INTS7: variants seen among roughly 807,000 people sequenced by gnomAD.
INTS7 encodes chromosome 1 open reading frame 73.
Under a neutral mutation model 109.2 loss-of-function variants are expected in INTS7, and 46 were observed. The ratio of observed to expected loss-of-function variants is 0.42; its 90% confidence interval spans 0.33 to 0.54. The LOEUF is 0.54. Among genes scored for constraint, INTS7 ranks in the 20% least tolerant of loss-of-function variants. INTS7 has a pLI of 0.07. For synonymous variants in INTS7, 412 were observed against 402.9 expected, an observed-to-expected ratio of 1.02 and a Z score of -0.27; for missense variants, 929 against 1,132.4, an observed-to-expected ratio of 0.82 and a Z score of 2.58.
intron 17 of INTS7, among the ~76,000 whole-genome samples, chr1:211,951,295 T>G (rs377754804): frequency 3.3e-5 from 5 of 152,032 alleles, no homozygotes; most frequent in Admixed American, 6.6e-5. Flanking sequence ...TGAGTGTTTT[T>G]TTTGTTTGTT....
At chr1:211,980,739 C>T (rs1664626150) in intron 10 of INTS7, among the ~76,000 whole-genome samples, 1 of 152,122 alleles carries the variant, frequency 6.6e-6, no homozygotes, top group East Asian at 1.9e-4. Context: ...CTGTCCTGGC[C>T]TCATTTCACA....
intron 16 of INTS7, among the ~76,000 whole-genome samples, chr1:211,957,133 ATC>A (rs1663400506): frequency 5.3e-5 from 8 of 152,180 alleles, no homozygotes; most frequent in Non-Finnish European, 8.8e-5. Context: ...TGGGAGTAGT[ATC>A]TCATTGTGAT....
At chr1:212,013,425 T>A (rs1666252647) in intron 4 of INTS7, among the ~76,000 whole-genome samples, 1 of 152,126 alleles carries the variant, frequency 6.6e-6, no homozygotes, top group African/African-American at 2.4e-5. Flanking sequence ...TACAAAAGAG[T>A]CAAAAAGTTA....
At chr1:211,988,681 C>T (rs74752451) in intron 7 of INTS7, among the ~76,000 whole-genome samples, 4,400 of 152,232 alleles carry the variant, frequency 0.029, 83 homozygotes, top group Middle Eastern at 0.1. Flanking sequence ...ACCCTGTGTA[C>T]TATCGTCTCG....
chr1:212,026,106 G>A (rs183341332), intron 1 of INTS7, among the ~76,000 whole-genome samples: 173 of 152,156 alleles, frequency 1.1e-3, no homozygotes, highest in African/African-American at 4.0e-3. Flanking sequence ...CCAATATCAC[G>A]CCACTGCACT....
chr1:211,966,827 A>C (rs1306600823), intron 15 of INTS7, among the ~76,000 whole-genome samples: 1 of 152,156 alleles, frequency 6.6e-6, no homozygotes, highest in Non-Finnish European at 1.5e-5. Flanking sequence ...AGTTTGAGAC[A>C]AACAAGCAAA....
At chr1:211,999,576 G>C (rs1665571481) in intron 7 of INTS7, among the ~76,000 whole-genome samples, 1 of 152,212 alleles carries the variant, frequency 6.6e-6, no homozygotes, top group Non-Finnish European at 1.5e-5. Context: ...ACCTAGAAAA[G>C]TTTCTGTAAA....
In INTS7 at chr1:212,035,493, G is replaced by T; in HGVS notation, c.-56C>A. 1.6e-6 allele frequency: 2 copies of T among 1,274,866 alleles called. No homozygotes were observed. Among genetic ancestry groups the T allele is most frequent in the Non-Finnish European group, 2.3e-6 (2 of 871,488 alleles). The allele number at this position is 1,274,866 out of a possible 1,614,324, so 79.0% of individuals were successfully genotyped here. A position where few individuals can be genotyped will look rare whatever the true frequency, so the allele number is the denominator to read the frequency against. ...AGAAAGCTTGCAAACTCTACCCCAG[G>T]ACCGCCATCTTCCCCCGCCGCCTTC... On this transcript the variant is annotated 5_prime_UTR_variant, in exon 1 of 20. Coordinates refer to ENST00000366994, the MANE Select transcript of INTS7 (RefSeq NM_015434.4).
intron 4 of INTS7, 140 bp downstream of exon 4, chr1:212,016,746 G>T: frequency 3.1e-6 from 2 of 645,660 alleles, no homozygotes; most frequent in South Asian, 2.1e-5. Context: ...CCAACATAAG[G>T]TAAACCTTCT....
chr1:211,941,844 T>A lies in INTS7; in HGVS notation c.2869A>T (p.Asn957Tyr). The A allele has an allele frequency of 6.2e-7, 1 of 1,614,140 alleles. No homozygotes were observed. Among genetic ancestry groups the A allele is most frequent in the Non-Finnish European group, 8.5e-7 (1 of 1,179,978 alleles). Residue 957 changes from asparagine to tyrosine, a missense_variant, in exon 20 of 20, where the codon AAT (asparagine) becomes TAT (tyrosine). By Grantham distance (143) the Asn-to-Tyr change is moderately radical. Coordinates refer to ENST00000366994, the MANE Select transcript of INTS7 (RefSeq NM_015434.4). The stretch of plus-strand genomic sequence containing the variant: ...CATGGTTAAAACCGTGTGTAGGCAT[T>A]GCGTTGCTGCTGCTGCTGTAATGGC... Reference protein sequence around the residue: ...QQPLQQQQQRNAYTRF With the variant: ...QQPLQQQQQRYAYTRF
At chr1:212,009,390 C>T (rs550709735) in intron 5 of INTS7, among the ~76,000 whole-genome samples, 1 of 152,310 alleles carries the variant, frequency 6.6e-6, no homozygotes, top group Admixed American at 6.5e-5. Context: ...ACCTGTATAG[C>T]TTTCATCAAC....
Position 211,946,959 on chromosome 1 carries a change from G to A in INTS7, c.2317-254C>T, listed in dbSNP as rs1235461169. ...GAAAATCCACAGTCCTCGAGGCCAA[G>A]CAATAGGCAAATTCCACATTTCTAC... On this transcript the variant is annotated intron_variant, in intron 17 of 19. Transcript: ENST00000366994. This position sits in a 1 kb window ranked among gnomAD's most constrained non-coding sequence, Gnocchi z 4.3. 7.2e-6 allele frequency among the ~76,000 whole-genome samples: 1 copy of A among 138,952 alleles called. No homozygotes were observed. The highest frequency in any genetic ancestry group is 6.9e-5 in the Admixed American group (1 of 14,536). The allele number at this position is 138,952 out of a possible 152,430, so 91.2% of individuals were successfully genotyped here. A position where few individuals can be genotyped will look rare whatever the true frequency, so the allele number is the denominator to read the frequency against.
chr1:211,989,447 C>T (rs766694215), intron 7 of INTS7, among the ~76,000 whole-genome samples: 1 of 151,010 alleles, frequency 6.6e-6, no homozygotes, highest in Non-Finnish European at 1.5e-5. Context: ...TGGAACAATA[C>T]AAAGTAAAAA....
rs1666793817 is a variant in INTS7 at position 212,023,467 on chromosome 1, C to A, written c.95-2255G>T. 3.3e-5 allele frequency among the ~76,000 whole-genome samples: 5 copies of A among 152,160 alleles called. No individual in the cohort carries two copies. In the South Asian group the frequency reaches 1.0e-3, roughly 32 times the overall value. On this transcript the variant is annotated intron_variant, in intron 1 of 19. Transcript: ENST00000366994. ...TTGACTGGTGTGAGATGGTATCTTA[C>A]TATGGTTTTAATTTACATTTCTCTG...
intron 17 of INTS7, among the ~76,000 whole-genome samples, chr1:211,950,936 T>G (rs1663055711): frequency 2.0e-5 from 3 of 152,242 alleles, no homozygotes; most frequent in Admixed American, 2.0e-4. Flanking sequence ...GTGTATTTCT[T>G]TCAAAGACTG....
At chr1:211,957,837 T>G (rs1361338955) in intron 16 of INTS7, among the ~76,000 whole-genome samples, 1 of 152,120 alleles carries the variant, frequency 6.6e-6, no homozygotes, top group Non-Finnish European at 1.5e-5. Context: ...GTTTTATATT[T>G]TAGTATTCCA....
intron 1 of INTS7, among the ~76,000 whole-genome samples, chr1:212,026,580 T>C (rs957039178): frequency 2.2e-5 from 3 of 135,664 alleles, no homozygotes; most frequent in African/African-American, 5.4e-5. Flanking sequence ...TAGCCTTACT[T>C]TTCTAAAAGC....
chr1:211,997,855 G>A (rs1484512726), intron 7 of INTS7, among the ~76,000 whole-genome samples: 2 of 150,882 alleles, frequency 1.3e-5, no homozygotes, highest in African/African-American at 4.9e-5. Flanking sequence ...CTCCAGCCCT[G>A]GTGACAGAGC....
At chr1:211,999,822 G>A (rs1414238958) in intron 7 of INTS7, among the ~76,000 whole-genome samples, 1 of 152,188 alleles carries the variant, frequency 6.6e-6, no homozygotes, top group Non-Finnish European at 1.5e-5. Flanking sequence ...GGGATATATA[G>A]GCCGGGCGTG....
Sources: allele counts gnomAD v4.1 joint callset (sites outside exome capture counted in the v4.1 genomes callset), GRCh38; gene constraint gnomAD v4.1.1; non-coding constraint Gnocchi (gnomAD v3.1); transcripts MANE v1.5; gene names NCBI Gene and HGNC (gene_info 2026-07-23, HGNC 2026-07-21).